Variants in POLR2B observed in about 807,000 individuals in gnomAD.
POLR2B encodes the protein RNA polymerase II subunit B.
Under a neutral mutation model 144.6 loss-of-function variants are expected in POLR2B, and 57 were observed. That is an observed-to-expected ratio of 0.39 (90% confidence interval 0.32 to 0.49). The LOEUF is 0.49. Ranked by LOEUF, POLR2B falls within the 20% of genes least tolerant of loss-of-function variation. The pLI is 0.83. For synonymous variants in POLR2B, 442 were observed against 469.8 expected (o/e 0.94, Z 0.77); for missense variants, 595 against 1,467.4 (o/e 0.41, Z 9.71).
rs765621796 is a variant in POLR2B at position 57,020,920 on chromosome 4, T to C, written c.2345T>C (p.Ile782Thr). 2 of 1,596,640 alleles carry C rather than the reference T, an allele frequency of 1.3e-6. No individual in the cohort carries two copies. Among genetic ancestry groups the C allele is most frequent in the South Asian group, 1.1e-5 (1 of 90,736 alleles). The change falls in exon 17 of 25, where the codon ATT (isoleucine) becomes ACT (threonine). Residue 782 changes from isoleucine (I) to threonine (T), a missense_variant. Coordinates refer to ENST00000314595, the MANE Select transcript of POLR2B (RefSeq NM_000938.3). ...LPAGINSIVA[I>T]ASYTGYNQED... The stretch of plus-strand genomic sequence containing the variant: ...GCAGGCATCAACTCAATTGTGGCCA[T>C]TGCATCATACACTGGATATAATCAG...
chr4:56,996,274 A>ATTTTT (rs1447493379), intron 6 of POLR2B, among the ~76,000 whole-genome samples: 1 of 86,984 alleles, frequency 1.1e-5, no homozygotes, highest in South Asian at 5.1e-4. Context: ...ATATATATAT[A>ATTTTT]TATATTTTTT....
At chr4:56,986,320 A>G (rs1578556101) in intron 1 of POLR2B, 34 bp from the exon 2 acceptor site, 2 of 1,288,856 alleles carry the variant, frequency 1.6e-6, no homozygotes, top group Non-Finnish European at 2.3e-6. Flanking sequence ...GTGGCATCTC[A>G]TTGCAAATGA....
At chr4:56,983,815 C>G (rs1367653668) in intron 1 of POLR2B, among the ~76,000 whole-genome samples, 1 of 151,428 alleles carries the variant, frequency 6.6e-6, no homozygotes, top group Non-Finnish European at 1.5e-5. Context: ...CTCTGCCCAG[C>G]TTTTGGGAAG....
Position 57,023,470 on chromosome 4 carries a change from C to T in POLR2B, c.2656C>T (p.Arg886Cys), listed in dbSNP as rs777588787. Residue 886 changes from arginine (R) to cysteine (C), a missense_variant, in exon 19 of 25, where the codon CGC (arginine) becomes TGC (cysteine). Coordinates refer to ENST00000314595, the MANE Select transcript of POLR2B (RefSeq NM_000938.3). The surrounding 1 kb of genome is among the most constrained non-coding windows in gnomAD (Gnocchi z 4.3). ...AGATGAATTGGAGAGCACCAATAGA[C>T]GCTATACCAAGAGAGACTGTAGCAC... is the stretch of plus-strand genomic sequence containing the variant. The part of the protein sequence containing the change: ...NEDELESTNR[R>C]YTKRDCSTFL... 9 of 1,613,972 alleles carry T rather than the reference C, an allele frequency of 5.6e-6. No individual in the cohort carries two copies. The highest frequency in any genetic ancestry group is 1.3e-5 in the African/African-American group (1 of 75,008).
chr4:56,983,528 T>C (rs1399855766), intron 1 of POLR2B, among the ~76,000 whole-genome samples: 2 of 151,928 alleles, frequency 1.3e-5, no homozygotes, highest in Non-Finnish European at 2.9e-5. Flanking sequence ...TGCGCCACCA[T>C]GCCCTTCTAA....
At chr4:57,018,064 C>T (rs1022569542) in intron 16 of POLR2B, among the ~76,000 whole-genome samples, 9 of 151,928 alleles carry the variant, frequency 5.9e-5, no homozygotes, top group South Asian at 4.1e-4. Context: ...CCCAGATGGA[C>T]GAAGACATGC....
At chr4:57,007,935 C>T (rs1246438531) in intron 10 of POLR2B, among the ~76,000 whole-genome samples, 1 of 152,194 alleles carries the variant, frequency 6.6e-6, no homozygotes, top group Non-Finnish European at 1.5e-5. Context: ...TTTCAAGCTC[C>T]TTTTTCCTAG....
chr4:57,023,273 T>C lies in POLR2B; in HGVS notation c.2516-57T>C. On this transcript the variant is annotated intron_variant, in intron 18 of 24. Coordinates refer to ENST00000314595, the MANE Select transcript of POLR2B (RefSeq NM_000938.3). This position sits in a 1 kb window ranked among gnomAD's most constrained non-coding sequence, Gnocchi z 4.3. Reference sequence around the variant, plus strand: ...CTCTGACTTGGAACTGATTCATGTATGTGGTTTTTAATCTTTGTTGGGGAT... The same window carrying C: ...CTCTGACTTGGAACTGATTCATGTACGTGGTTTTTAATCTTTGTTGGGGAT... The C allele has an allele frequency of 6.3e-7, 1 of 1,575,762 alleles. No individual in the cohort carries two copies. Among genetic ancestry groups the C allele is most frequent in the East Asian group, 2.2e-5 (1 of 44,678 alleles).
At chr4:56,993,168 G>C (rs1487027154) in intron 3 of POLR2B, among the ~76,000 whole-genome samples, 2 of 151,788 alleles carry the variant, frequency 1.3e-5, no homozygotes, top group Non-Finnish European at 2.9e-5. Context: ...AGCCGGGCCT[G>C]GTGGTGCGCC....
chr4:56,994,600 T>G, intron 4 of POLR2B, 47 bp from the exon 5 acceptor site: 1 of 1,466,918 alleles, frequency 6.8e-7, no homozygotes, highest in East Asian at 2.3e-5. Flanking sequence ...GGATTTGTTT[T>G]AACAGATACC....
At chr4:57,009,886 G>A (rs1723136810) in intron 10 of POLR2B, 1 of 152,306 alleles carries the variant, frequency 6.6e-6, no homozygotes, top group Non-Finnish European at 1.5e-5. Context: ...TTAGTATCCT[G>A]TAAGTATTAG....
At chr4:57,010,034 G>A (rs1723140861) in intron 10 of POLR2B, 1 of 193,482 alleles carries the variant, frequency 5.2e-6, no homozygotes, top group Non-Finnish European at 1.1e-5. Flanking sequence ...AGTACTTAAT[G>A]AATGCCAAGT....
intron 2 of POLR2B, among the ~76,000 whole-genome samples, chr4:56,990,041 A>G (rs1166205914): frequency 6.6e-6 from 1 of 152,204 alleles, no homozygotes; most frequent in Non-Finnish European, 1.5e-5. Flanking sequence ...TCAAAATAGA[A>G]CTAATGATCT....
intron 1 of POLR2B, among the ~76,000 whole-genome samples, chr4:56,986,039 C>T (rs185358178): frequency 2.0e-5 from 3 of 152,216 alleles, no homozygotes; most frequent in Middle Eastern, 3.2e-3. Flanking sequence ...TGGAATCCTT[C>T]CATGGCTCTG....
intron 1 of POLR2B, among the ~76,000 whole-genome samples, chr4:56,984,431 G>T (rs543092953): frequency 1.6e-4 from 24 of 150,188 alleles, no homozygotes; most frequent in African/African-American, 5.9e-4. Flanking sequence ...CATGTTCTTT[G>T]TCTATAATGT....
rs1578591174 is a variant in POLR2B at position 57,022,356 on chromosome 4, C to T, written c.2515+110C>T. The T allele has an allele frequency of 2.2e-5, 14 of 648,042 alleles. No homozygotes were observed. In the East Asian group the frequency reaches 3.8e-4, roughly 18 times the overall value. 40.1% of individuals were successfully genotyped at this position (648,042 alleles called of 1,614,324 possible). ...CTGTGCCTGCCCCTGTCCTCCTCTC[C>T]CTTTTTTTGTGCAATGAAAGTGTGT... On this transcript the variant is annotated intron_variant, in intron 18 of 24. Transcript: ENST00000314595.
In POLR2B at chr4:56,978,911, C is replaced by T. The variant is rs1262117489; in HGVS notation, c.-75C>T. ...GACGGAAGTTACTTCGTCTTTAGCT[C>T]CTGGCGCTGCTGGCTTCTGGGCGGT... On this transcript the variant is annotated 5_prime_UTR_variant, in exon 1 of 25. Transcript: ENST00000314595. 1.4e-6 allele frequency: 2 copies of T among 1,412,378 alleles called. No individual in the cohort carries two copies. Among genetic ancestry groups the T allele is most frequent in the Non-Finnish European group, 1.0e-6 (1 of 996,412 alleles). 87.5% of individuals were successfully genotyped at this position (1,412,378 alleles called of 1,614,324 possible).
At chr4:56,999,594 C>G in intron 6 of POLR2B, 23 bp from the exon 7 acceptor site, 1 of 1,545,956 alleles carries the variant, frequency 6.5e-7, no homozygotes. Flanking sequence ...TATTCATGTT[C>G]TAATGATACT....
chr4:56,978,962 G>C lies in POLR2B; in HGVS notation c.-24G>C. ...TTTTGTCTTTTGATTTCAAGAGTTA[G>C]GAGCTCGAGAACCGTTTGGCAATAT... is the stretch of plus-strand genomic sequence containing the variant. On this transcript the variant is annotated 5_prime_UTR_variant, in exon 1 of 25. Coordinates refer to ENST00000314595, the MANE Select transcript of POLR2B (RefSeq NM_000938.3). The C allele has an allele frequency of 6.2e-7, 1 of 1,613,040 alleles. No individual in the cohort carries two copies. Among genetic ancestry groups the C allele is most frequent in the Middle Eastern group, 1.7e-4 (1 of 5,906 alleles).
Sources: allele counts gnomAD v4.1 joint callset (sites outside exome capture counted in the v4.1 genomes callset), GRCh38; gene constraint gnomAD v4.1.1; non-coding constraint Gnocchi (gnomAD v3.1); transcripts MANE v1.5; gene names NCBI Gene and HGNC (gene_info 2026-07-23, HGNC 2026-07-21).